GTF2I: variants seen among roughly 807,000 people sequenced by gnomAD.
The protein encoded by GTF2I is general transcription factor IIi, also known as general transcription factor II-I.
In GTF2I, 12 loss-of-function variants were observed where a neutral mutation model predicts 67.6. The ratio of observed to expected loss-of-function variants is 0.18; its 90% CI spans 0.11 to 0.29. The LOEUF (loss-of-function observed/expected upper bound fraction) is 0.29, where lower values mean the gene tolerates loss of function less well. Ranked by LOEUF, GTF2I falls within the 10% of genes least tolerant of loss-of-function variation. The pLI is 1.00. For missense variants in GTF2I, 271 were observed against 580.1 expected (o/e 0.47, Z 5.47); for synonymous variants, 149 against 197.0 (o/e 0.76, Z 2.04).
chr7:74,674,129 G>A (rs1043168350), intron 1 of GTF2I, among the ~76,000 whole-genome samples: 7 of 146,062 alleles, frequency 4.8e-5, no homozygotes, highest in African/African-American at 1.8e-4. Flanking sequence ...GAGTGCAGTG[G>A]TGTGGTCATA....
intron 1 of GTF2I, among the ~76,000 whole-genome samples, chr7:74,662,715 G>T (rs1443834658): frequency 6.6e-6 from 1 of 151,514 alleles, no homozygotes; most frequent in African/African-American, 2.4e-5. Flanking sequence ...GTAGACACGG[G>T]GTTTCATCAT....
chr7:74,668,123 C>T (rs1416783109), intron 1 of GTF2I, among the ~76,000 whole-genome samples: 1 of 150,540 alleles, frequency 6.6e-6, no homozygotes, highest in Admixed American at 6.6e-5. Flanking sequence ...TGAGCCACCG[C>T]GCCCAGTCTT....
At chr7:74,715,394 A>G (rs1194322145) in intron 10 of GTF2I, among the ~76,000 whole-genome samples, 4 of 152,076 alleles carry the variant, frequency 2.6e-5, no homozygotes, top group African/African-American at 4.8e-5. Flanking sequence ...ATTTACTTCT[A>G]TCTATTCTGG....
chr7:74,714,733 A>AT (rs1429236387), intron 9 of GTF2I, 124 bp from the exon 10 acceptor site: 11 of 534,672 alleles, frequency 2.1e-5, no homozygotes, highest in South Asian at 5.6e-5. Context: ...TTTTTTTTTA[A>AT]TTTTTTTCTT....
chr7:74,722,970 A>T (rs762725125), intron 12 of GTF2I, among the ~76,000 whole-genome samples: 5 of 152,326 alleles, frequency 3.3e-5, no homozygotes, highest in Non-Finnish European at 5.9e-5. Context: ...TATGATGGGC[A>T]GTTGGACTAC....
At chr7:74,694,563 G>A (rs892967892) in intron 3 of GTF2I, among the ~76,000 whole-genome samples, 2 of 152,104 alleles carry the variant, frequency 1.3e-5, no homozygotes, top group Admixed American at 1.3e-4. Context: ...CTCCAGCCTG[G>A]ACTCTTGAGA....
chr7:74,696,196 G>A (rs1183330092), intron 3 of GTF2I, among the ~76,000 whole-genome samples: 1 of 151,824 alleles, frequency 6.6e-6, no homozygotes, highest in Non-Finnish European at 1.5e-5. Flanking sequence ...TGGCCTGGCT[G>A]GTCTCGAACT....
chr7:74,666,911 C>T (rs1431640684), intron 1 of GTF2I, among the ~76,000 whole-genome samples: 3 of 151,798 alleles, frequency 2.0e-5, no homozygotes, highest in African/African-American at 7.3e-5. Context: ...AACCGGCAGG[C>T]GGAGCTTGCA....
chr7:74,712,932 A>G (rs1374778844), intron 9 of GTF2I, among the ~76,000 whole-genome samples: 1 of 152,152 alleles, frequency 6.6e-6, no homozygotes, highest in Non-Finnish European at 1.5e-5. Context: ...ATAGGCTTGG[A>G]TATATTTCTC....
chr7:74,687,537 T>C (rs1787846546), intron 1 of GTF2I: 1 of 984,716 alleles, frequency 1.0e-6, no homozygotes, highest in Admixed American at 6.1e-5. Context: ...ATGGTTTTTA[T>C]TATAAAGCGC....
chr7:74,689,598 C>T (rs1554396421), intron 2 of GTF2I, among the ~76,000 whole-genome samples: 2 of 151,986 alleles, frequency 1.3e-5, no homozygotes, highest in Admixed American at 6.6e-5. Flanking sequence ...TCTTGATCCA[C>T]CTGCCTCAGC....
chr7:74,678,877 T>A (rs1247790951), intron 1 of GTF2I, among the ~76,000 whole-genome samples: 1 of 151,190 alleles, frequency 6.6e-6, no homozygotes, highest in Non-Finnish European at 1.5e-5. Context: ...GTTCAAGCAA[T>A]TCTCCTGCGT....
chr7:74,670,055 T>C (rs1805320335), intron 1 of GTF2I, among the ~76,000 whole-genome samples: 1 of 152,210 alleles, frequency 6.6e-6, no homozygotes, highest in Admixed American at 6.5e-5. Context: ...TATTTTCAAT[T>C]TACCAGGCTT....
At chr7:74,694,359 G>A (rs750333830) in intron 3 of GTF2I, among the ~76,000 whole-genome samples, 1 of 152,202 alleles carries the variant, frequency 6.6e-6, no homozygotes, top group Non-Finnish European at 1.5e-5. Context: ...GGCTGAGGTG[G>A]GCAGATCGTC....
chr7:74,661,279 T>G (rs1554386468), intron 1 of GTF2I, among the ~76,000 whole-genome samples: 1 of 152,156 alleles, frequency 6.6e-6, no homozygotes, highest in Non-Finnish European at 1.5e-5. Context: ...GCTCCCCAGG[T>G]GGTGTTGATG....
chr7:74,725,377 G>A, intron 12 of GTF2I, among the ~76,000 whole-genome samples: 1 of 152,076 alleles, frequency 6.6e-6, no homozygotes, highest in East Asian at 1.9e-4. Flanking sequence ...AGAATATATG[G>A]TGTGATATTT....
chr7:74,731,177 CATTTT>C (rs1391973720), intron 14 of GTF2I, among the ~76,000 whole-genome samples: 1 of 148,932 alleles, frequency 6.7e-6, no homozygotes, highest in Admixed American at 6.7e-5. Flanking sequence ...AAATAAAAAT[CATTTT>C]ATTTTTATCA....
rs1043263126 is a variant in GTF2I at position 74,685,913 on chromosome 7, C to T, written c.-5-3211C>T. 1.8e-4 allele frequency among the ~76,000 whole-genome samples: 27 copies of T among 151,722 alleles called. 1 individual carries two copies. The highest frequency in any genetic ancestry group is 3.2e-3 in the Middle Eastern group (1 of 316). The stretch of plus-strand genomic sequence containing the variant: ...CTAAAAAACACAAAAATTAGCTGCG[C>T]GTGGTGGCGGGCGCCTGTAGTCCCA... On this transcript the variant is annotated intron_variant, in intron 1 of 34. Transcript: ENST00000573035.
At position 74,691,188 on chromosome 7, in the gene GTF2I, TTTTCTTTCTTTCTTTC is replaced by T. The variant is rs1170190379; in HGVS notation, c.238+85_238+100del. On this transcript the variant is annotated intron_variant, in intron 3 of 34. Transcript: ENST00000573035. ...TTTGTAGGTAAGACAAGTTATATTA[TTTTCTTTCTTTCTTTC>T]TTTCTTTTTTTTTTTTTTTGAGATG... is the stretch of plus-strand genomic sequence containing the variant. 6.8e-5 allele frequency: 73 copies of T among 1,078,318 alleles called. No individual in the cohort carries two copies. In the African/African-American group the frequency reaches 1.0e-3, roughly 15 times the overall value. The allele number at this position is 1,078,318 out of a possible 1,614,324, so 66.8% of individuals were successfully genotyped here. A position where few individuals can be genotyped will look rare whatever the true frequency, so the allele number is the denominator to read the frequency against.
Sources: allele counts gnomAD v4.1 joint callset (sites outside exome capture counted in the v4.1 genomes callset), GRCh38; gene constraint gnomAD v4.1.1; transcripts MANE v1.5; gene names NCBI Gene and HGNC (gene_info 2026-07-23, HGNC 2026-07-21).